Variants in NOX3 observed in about 807,000 individuals in gnomAD.
NOX3 encodes NADPH oxidase 3.
NOX3 carries 74 observed loss-of-function variants against 76.7 expected under a neutral mutation model. The ratio of observed to expected loss-of-function variants is 0.96; its 90% CI spans 0.80 to 1.17. The LOEUF is 1.17. Among genes scored for constraint, NOX3 ranks in the 50% most tolerant of loss-of-function variants. The pLI is 0.00. For synonymous variants in NOX3, 263 were observed against 261.1 expected (o/e 1.01, Z -0.07); for missense variants, 695 against 703.3 (o/e 0.99, Z 0.13).
At chr6:155,402,515 A>G (rs1399660457) in intron 12 of NOX3, among the ~76,000 whole-genome samples, 1 of 152,094 alleles carries the variant, frequency 6.6e-6, no homozygotes, top group African/African-American at 2.4e-5. Flanking sequence ...ATCTATTTTT[A>G]ATTTTTCTTC....
chr6:155,407,439 A>G (rs770911443), intron 11 of NOX3, among the ~76,000 whole-genome samples, 185 bp from the exon 12 acceptor site: 1 of 152,240 alleles, frequency 6.6e-6, no homozygotes, highest in African/African-American at 2.4e-5. Flanking sequence ...TATCTCATTT[A>G]TGTCTGAATC....
At chr6:155,420,450 T>C (rs1776675057) in intron 10 of NOX3, among the ~76,000 whole-genome samples, 1 of 152,224 alleles carries the variant, frequency 6.6e-6, no homozygotes. Context: ...AAAGCATTGC[T>C]GTGAGGTCCA....
intron 12 of NOX3, among the ~76,000 whole-genome samples, chr6:155,401,428 T>C (rs1303742226): frequency 1.3e-5 from 2 of 152,202 alleles, no homozygotes; most frequent in African/African-American, 2.4e-5. Context: ...TAATGAATGT[T>C]TAGGATATCC....
chr6:155,416,643 G>A (rs1322844810), intron 10 of NOX3, among the ~76,000 whole-genome samples: 2 of 151,480 alleles, frequency 1.3e-5, no homozygotes, highest in Admixed American at 1.3e-4. Context: ...TGACTATATT[G>A]CTACTTCGCC....
intron 4 of NOX3, among the ~76,000 whole-genome samples, chr6:155,449,094 G>A (rs1777101763): frequency 1.3e-5 from 2 of 152,148 alleles, no homozygotes; most frequent in Admixed American, 6.5e-5. Context: ...GAGGGGTCAG[G>A]ACTGAAGAGT....
intron 7 of NOX3, among the ~76,000 whole-genome samples, chr6:155,431,670 G>A (rs1329391368): frequency 6.6e-6 from 1 of 152,132 alleles, no homozygotes; most frequent in Non-Finnish European, 1.5e-5. Flanking sequence ...AACATAAGGT[G>A]TCTTCCTCAG....
chr6:155,419,982 A>G (rs538997532), intron 10 of NOX3, among the ~76,000 whole-genome samples: 1 of 152,282 alleles, frequency 6.6e-6, no homozygotes, highest in African/African-American at 2.4e-5. Context: ...TCATTGATTT[A>G]TTCAATATTT....
chr6:155,430,914 G>A lies in NOX3; in HGVS notation c.820C>T (p.Pro274Ser), dbSNP rs146745416. The part of the protein sequence containing the change: ...EPSAWKWILG[P>S]VVLYACERII... ...CTTTCACATGCATACAAGACCACAG[G>A]GCCTAAAATCCATTTCCAAGCCTGA... Residue 274 changes from proline (P) to serine (S), a missense_variant, in exon 8 of 14, where the codon CCT becomes TCT. Pro to Ser is a moderately conservative substitution (Grantham distance 74, BLOSUM62 -1). Coordinates refer to ENST00000159060, the MANE Select transcript of NOX3 (RefSeq NM_015718.3). 1,035 of 1,611,788 alleles carry A rather than the reference G, an allele frequency of 6.4e-4. No individual in the cohort carries two copies. The highest frequency in any genetic ancestry group is 1.2e-3 in the Admixed American group (71 of 59,910).
intron 3 of NOX3, 90 bp from the exon 4 acceptor site, chr6:155,453,578 C>T: frequency 1.0e-6 from 1 of 1,004,398 alleles, no homozygotes. Context: ...TCAGGCTCTG[C>T]CTCTAAACTG....
intron 12 of NOX3, among the ~76,000 whole-genome samples, chr6:155,406,564 A>G (rs978677541): frequency 1.3e-4 from 20 of 152,236 alleles, no homozygotes; most frequent in African/African-American, 4.8e-4. Flanking sequence ...TCTTACATGC[A>G]TTCATTAATT....
intron 9 of NOX3, among the ~76,000 whole-genome samples, chr6:155,423,544 G>A (rs1467718487): frequency 6.6e-6 from 1 of 151,988 alleles, no homozygotes; most frequent in Non-Finnish European, 1.5e-5. Context: ...ATAAATAAGA[G>A]GGTCCTTAGC....
At chr6:155,451,406 T>G (rs1777137997) in intron 4 of NOX3, among the ~76,000 whole-genome samples, 1 of 152,194 alleles carries the variant, frequency 6.6e-6, no homozygotes, top group African/African-American at 2.4e-5. Context: ...CTGCTTATAC[T>G]AAATTATACT....
intron 10 of NOX3, among the ~76,000 whole-genome samples, chr6:155,413,287 G>C (rs762098924): frequency 6.6e-6 from 1 of 152,114 alleles, no homozygotes; most frequent in African/African-American, 2.4e-5. Context: ...TTTCCAGGAA[G>C]AGCCTGGAGG....
At chr6:155,454,973 G>A in intron 2 of NOX3, 52 bp from the exon 3 acceptor site, 2 of 1,574,814 alleles carry the variant, frequency 1.3e-6, no homozygotes, top group Non-Finnish European at 1.7e-6. Flanking sequence ...CAAGGATCCA[G>A]GGAAAATAAA....
intron 4 of NOX3, among the ~76,000 whole-genome samples, chr6:155,448,317 C>T (rs1777091139): frequency 6.6e-6 from 1 of 152,114 alleles, no homozygotes; most frequent in Non-Finnish European, 1.5e-5. Flanking sequence ...TTCATGTTTC[C>T]AAAGCCAACT....
chr6:155,428,627 C>T (rs1228943503), intron 9 of NOX3, among the ~76,000 whole-genome samples, 167 bp downstream of exon 9: 1 of 148,344 alleles, frequency 6.7e-6, no homozygotes, highest in African/African-American at 2.5e-5. Context: ...TGTGTGTCTC[C>T]TAGAAGTCTA....
intron 13 of NOX3, among the ~76,000 whole-genome samples, chr6:155,395,791 A>C (rs1235382114): frequency 6.6e-6 from 1 of 152,142 alleles, no homozygotes; most frequent in Non-Finnish European, 1.5e-5. Flanking sequence ...AGACTGGCGC[A>C]ATGGGAATTA....
rs375998672 is a variant in NOX3 at position 155,436,323 on chromosome 6, T to C, written c.798+95A>G. ...TTAATAAAGAGTTGGCTTTGTCTAG[T>C]GGTGAAATGTGCTTTCTTTTTTCCA... On this transcript the variant is annotated intron_variant, in intron 7 of 13. Coordinates refer to ENST00000159060, the MANE Select transcript of NOX3 (RefSeq NM_015718.3). 9 of 1,387,282 alleles carry C rather than the reference T, an allele frequency of 6.5e-6. No homozygotes were observed. In the African/African-American group the frequency reaches 8.6e-5, roughly 13 times the overall value. 85.9% of individuals were successfully genotyped at this position (1,387,282 alleles called of 1,614,324 possible). A position where few individuals can be genotyped will look rare whatever the true frequency, so the allele number is the denominator to read the frequency against.
chr6:155,428,822 C>T lies in NOX3; in HGVS notation c.1117G>A (p.Ala373Thr), dbSNP rs773252474. The stretch of plus-strand genomic sequence containing the variant: ...GGCAGGCTCCAGGGCTCCTGGAGGG[C>T]CTGTCCCTCTGCCCCAAAGGCCTCC... The part of the protein sequence containing the change: ...LLEAFGAEGQ[A>T]LQEPWSLPRL... The change falls in exon 9 of 14, where the codon GCC becomes ACC. Residue 373 changes from alanine (A) to threonine (T), a missense_variant. Ala to Thr is a moderately conservative substitution (Grantham distance 58, BLOSUM62 0). Transcript: ENST00000159060. 1.2e-5 allele frequency: 18 copies of T among 1,549,532 alleles called. No individual in the cohort carries two copies. In the African/African-American group the frequency reaches 1.9e-4, roughly 16 times the overall value.
Sources: gnomAD v4.1 joint callset for allele counts (sites outside exome capture counted in the v4.1 genomes callset) on GRCh38, gnomAD v4.1.1 for gene constraint, MANE v1.5 for transcripts, NCBI Gene and HGNC (gene_info 2026-07-23, HGNC 2026-07-21) for gene names.